Variants in AKAP19 observed in about 807,000 individuals in gnomAD.
The protein encoded by AKAP19 is A-kinase anchoring protein 19, also known as small A-kinase anchoring protein.
At chr2:190,004,282 A>T in the AKAP19 span, among the ~76,000 whole-genome samples, 131 of 147,818 alleles carry the variant, frequency 8.9e-4, no homozygotes, top group Middle Eastern at 3.8e-3. Flanking sequence ...ATAATAATAA[A>T]AAAAAACATT....
the AKAP19 span, among the ~76,000 whole-genome samples, chr2:190,081,401 G>T: frequency 6.6e-6 from 1 of 151,954 alleles, no homozygotes; most frequent in Non-Finnish European, 1.5e-5. Context: ...CTCCATGTCC[G>T]CCAGAGCCCA....
the AKAP19 span, among the ~76,000 whole-genome samples, chr2:190,047,383 A>G: frequency 2.6e-4 from 39 of 152,268 alleles, no homozygotes; most frequent in South Asian, 8.1e-3. Context: ...CCTCCTCTTT[A>G]AGTCGTTGTG....
chr2:190,083,388 C>A, the AKAP19 span, among the ~76,000 whole-genome samples: 2 of 138,144 alleles, frequency 1.4e-5, no homozygotes, highest in African/African-American at 5.3e-5. Context: ...TTTTAAAAAT[C>A]TACTCTCTTG....
the AKAP19 span, among the ~76,000 whole-genome samples, chr2:189,981,425 TAGC>T: frequency 6.6e-6 from 1 of 152,166 alleles, no homozygotes; most frequent in Non-Finnish European, 1.5e-5. Context: ...CTCTTGAAGA[TAGC>T]AGAAGTTTGG....
the AKAP19 span, among the ~76,000 whole-genome samples, chr2:190,049,851 G>A: frequency 6.6e-6 from 1 of 152,134 alleles, no homozygotes; most frequent in African/African-American, 2.4e-5. Context: ...CATGTATCAT[G>A]TATATTTAGG....
chr2:190,097,775 C>A, the AKAP19 span, among the ~76,000 whole-genome samples: 1 of 143,948 alleles, frequency 6.9e-6, no homozygotes, highest in Non-Finnish European at 1.5e-5. Flanking sequence ...GTAATCCCAG[C>A]ACTTTGGGAG....
the AKAP19 span, among the ~76,000 whole-genome samples, chr2:190,104,305 G>A: frequency 6.6e-6 from 1 of 152,062 alleles, no homozygotes; most frequent in Non-Finnish European, 1.5e-5. Flanking sequence ...AGTCCTCCAA[G>A]CAATTGCAAC....
chr2:190,098,860 C>T, the AKAP19 span, among the ~76,000 whole-genome samples: 1 of 152,202 alleles, frequency 6.6e-6, no homozygotes. Flanking sequence ...GCTGATTCCC[C>T]TTGTACTTTT....
At chr2:190,001,678 C>T in the AKAP19 span, among the ~76,000 whole-genome samples, 4 of 152,172 alleles carry the variant, frequency 2.6e-5, no homozygotes, top group African/African-American at 7.2e-5. Flanking sequence ...TTCAGTAAGG[C>T]TTCTGTCATC....
At chr2:189,948,691 G>A in the AKAP19 span, among the ~76,000 whole-genome samples, 1 of 152,074 alleles carries the variant, frequency 6.6e-6, no homozygotes, top group African/African-American at 2.4e-5. Context: ...TTATTTTTAA[G>A]TGTTCTTTTA....
chr2:190,024,149 T>A, the AKAP19 span, among the ~76,000 whole-genome samples: 12 of 151,810 alleles, frequency 7.9e-5, no homozygotes, highest in Non-Finnish European at 1.6e-4. Context: ...GACACCATGG[T>A]GGTCATGCTG....
the AKAP19 span, among the ~76,000 whole-genome samples, chr2:190,034,739 G>A: frequency 5.3e-5 from 8 of 150,248 alleles, no homozygotes; most frequent in Middle Eastern, 3.2e-3. Flanking sequence ...CCAGCTGCTC[G>A]GCTACTCGGG....
chr2:189,896,323 CTTTAAA>C, the AKAP19 span, among the ~76,000 whole-genome samples: 1 of 151,540 alleles, frequency 6.6e-6, no homozygotes, highest in Admixed American at 6.6e-5. Flanking sequence ...CAAAAAGATG[CTTTAAA>C]TTTAATTTTA....
chr2:190,086,046 G>C, the AKAP19 span, among the ~76,000 whole-genome samples: 1 of 152,210 alleles, frequency 6.6e-6, no homozygotes, highest in African/African-American at 2.4e-5. Flanking sequence ...GGGATCCTGT[G>C]AATGGAAATA....
the AKAP19 span, among the ~76,000 whole-genome samples, chr2:190,196,658 G>C: frequency 3.0e-4 from 46 of 151,826 alleles, no homozygotes; most frequent in African/African-American, 1.1e-3. Flanking sequence ...CCTTTAAATG[G>C]TATTGTTTTA....
the AKAP19 span, chr2:190,200,283 GAACAACTAGGATGA>G: frequency 9.9e-5 from 70 of 706,456 alleles, 1 homozygote; most frequent in South Asian, 1.3e-3. Context: ...ACTATTATAA[GAACAACTAGGATGA>G]AATGCATTTT....
At chr2:190,099,955 A>G in the AKAP19 span, among the ~76,000 whole-genome samples, 1 of 152,220 alleles carries the variant, frequency 6.6e-6, no homozygotes, top group African/African-American at 2.4e-5. Flanking sequence ...GGAAACTTCA[A>G]GTCAGAGTGC....
At chr2:190,018,819 T>A in the AKAP19 span, among the ~76,000 whole-genome samples, 1 of 152,208 alleles carries the variant, frequency 6.6e-6, no homozygotes, top group Non-Finnish European at 1.5e-5. Context: ...ATGTAGCCTG[T>A]GATTCTGGAT....
chr2:190,016,187 T>C, the AKAP19 span, among the ~76,000 whole-genome samples: 4 of 152,214 alleles, frequency 2.6e-5, no homozygotes, highest in African/African-American at 9.6e-5. Context: ...CAATTAACTG[T>C]ATTAGTTCAT....
Sources: allele counts gnomAD v4.1 joint callset (sites outside exome capture counted in the v4.1 genomes callset), GRCh38; gene constraint gnomAD v4.1.1; transcripts MANE v1.5; gene names NCBI Gene and HGNC (gene_info 2026-07-23, HGNC 2026-07-21).